The following TEX14 variants were observed in gnomAD, a reference collection of about 807,000 sequenced individuals.
TEX14 encodes the protein testis expressed 14, intercellular bridge forming factor.
A neutral mutation model predicts 178.6 loss-of-function variants in TEX14; 168 were observed. The ratio of observed to expected loss-of-function variants is 0.94; its 90% CI spans 0.83 to 1.07. TEX14 has a LOEUF of 1.07. Among genes scored for constraint, TEX14 ranks in the 50% least tolerant of loss-of-function variants. The pLI is 0.00. For missense variants in TEX14, 1,730 were observed against 1,753.6 expected, an observed-to-expected ratio of 0.99 and a Z score of 0.24; for synonymous variants, 626 against 634.1, an observed-to-expected ratio of 0.99 and a Z score of 0.19.
Position 58,621,680 on chromosome 17 carries a change from C to T in TEX14, c.524G>A (p.Ser175Asn). Reference protein sequence around the residue: ...KIDSPQRLVYSPSWCGGLVQG... With the variant: ...KIDSPQRLVYNPSWCGGLVQG... ...CACGAGGCCCCCACACCAGGACGGG[C>T]TGTAGACAAGCCGCTGCGGGGAGTC... Residue 175 changes from serine (S) to asparagine (N), a missense_variant, in exon 5 of 32, where the codon AGC becomes AAC. Transcript: ENST00000349033. The T allele has an allele frequency of 6.2e-7, 1 of 1,614,102 alleles. No homozygotes were observed.
chr17:58,607,633 C>T (rs376649158), intron 10 of TEX14, among the ~76,000 whole-genome samples: 23 of 152,324 alleles, frequency 1.5e-4, no homozygotes, highest in Non-Finnish European at 2.8e-4. Context: ...AGCTCCATTT[C>T]GGGCTAGGAT....
intron 10 of TEX14, 147 bp downstream of exon 10, chr17:58,611,014 G>T (rs1416095779): frequency 1.6e-6 from 1 of 626,994 alleles, no homozygotes; most frequent in East Asian, 2.6e-5. Flanking sequence ...GGCAGACAGG[G>T]TAAGGCATTT....
chr17:58,575,990 A>G (rs1355954687), intron 21 of TEX14, among the ~76,000 whole-genome samples: 1 of 152,194 alleles, frequency 6.6e-6, no homozygotes, highest in African/African-American at 2.4e-5. Flanking sequence ...TGTTATGTGG[A>G]TTAAATCAGA....
At chr17:58,574,518 A>G (rs956061472) in intron 21 of TEX14, among the ~76,000 whole-genome samples, 1 of 152,002 alleles carries the variant, frequency 6.6e-6, no homozygotes, top group African/African-American at 2.4e-5. Context: ...TCTACTAAAA[A>G]TACAAAAATT....
chr17:58,661,626 ATT>A (rs772161448), intron 1 of TEX14: 1 of 689,840 alleles, frequency 1.4e-6, no homozygotes, highest in East Asian at 2.5e-5. Context: ...CGAAATGTTG[ATT>A]CCTTTCCTTT....
intron 21 of TEX14, among the ~76,000 whole-genome samples, chr17:58,575,601 C>T (rs770079967): frequency 3.8e-4 from 58 of 152,262 alleles, no homozygotes; most frequent in Non-Finnish European, 6.0e-4. Flanking sequence ...CTTGTTTTAA[C>T]CAATAAAATA....
At position 58,615,266 on chromosome 17, in the gene TEX14, C is replaced by G. The variant is rs757916510; in HGVS notation, c.847G>C (p.Ala283Pro). 7 of 1,613,506 alleles carry G rather than the reference C, an allele frequency of 4.3e-6. No individual in the cohort carries two copies. The highest frequency in any genetic ancestry group is 5.9e-6 in the Non-Finnish European group (7 of 1,179,658). ...THPHCSRLRL[A>P]DLLIAEQEHS... ...TCCTGCTCGGCAATTAACAAGTCGG[C>G]CAGCCGCAGCCTGCTGCAGTGTGGG... is the stretch of plus-strand genomic sequence containing the variant. The change falls in exon 8 of 32, where the codon GCC becomes CCC. Residue 283 changes from alanine (A) to proline (P), a missense_variant. Coordinates refer to ENST00000349033, the MANE Select transcript of TEX14 (RefSeq NM_031272.5).
At chr17:58,568,915 C>A (rs1296547892) in intron 26 of TEX14, among the ~76,000 whole-genome samples, 1 of 152,154 alleles carries the variant, frequency 6.6e-6, no homozygotes, top group African/African-American at 2.4e-5. Context: ...TCATAATAAA[C>A]CACTTGAATG....
rs60626361 is a variant in TEX14 at position 58,656,925 on chromosome 17, CAAAAAAAAAAAA to C, written c.-1-4935_-1-4924del. ...GTGACTGAGCAAAACTCCCATCTCA[CAAAAAAAAAAAA>C]AAAAAAAAAAAAGAAAAAGAAAATT... On this transcript the variant is annotated intron_variant, in intron 1 of 31. Transcript: ENST00000349033. Among the ~76,000 whole-genome samples the C allele has an allele frequency of 8.6e-3, 681 of 79,554 alleles. 2 individuals carry two copies. Among genetic ancestry groups the C allele is most frequent in the Non-Finnish European group, 9.4e-3 (436 of 46,314 alleles). The allele number at this position is 79,554 out of a possible 152,430, so 52.2% of individuals were successfully genotyped here.
intron 2 of TEX14, among the ~76,000 whole-genome samples, chr17:58,637,297 C>T (rs555284716): frequency 6.6e-6 from 1 of 152,288 alleles, no homozygotes; most frequent in Admixed American, 6.5e-5. Context: ...TGACGTAGAG[C>T]TTCTAAAACT....
At chr17:58,624,341 C>CTTTTTTT (rs34422419) in intron 3 of TEX14, among the ~76,000 whole-genome samples, 2 of 128,622 alleles carry the variant, frequency 1.6e-5, no homozygotes, top group Admixed American at 8.2e-5. Flanking sequence ...CTTTTCTTTT[C>CTTTTTTT]TTTTTTTTTT....
intron 21 of TEX14, among the ~76,000 whole-genome samples, chr17:58,575,165 A>G (rs2044646797): frequency 7.2e-6 from 1 of 138,696 alleles, no homozygotes; most frequent in African/African-American, 2.8e-5. Context: ...CCCAGGCTGG[A>G]GTGCAATGGC....
intron 28 of TEX14, among the ~76,000 whole-genome samples, chr17:58,563,621 TTA>T (rs3034889): frequency 0.049 from 2,240 of 46,178 alleles, 37 homozygotes; most frequent in Non-Finnish European, 0.059. Context: ...CATCTCTAAT[TTA>T]TATATATATA....
chr17:58,682,463 G>T (rs1313789200), intron 1 of TEX14, among the ~76,000 whole-genome samples: 3 of 151,684 alleles, frequency 2.0e-5, no homozygotes, highest in African/African-American at 7.3e-5. Context: ...TTGCCATGTT[G>T]GCGAGGCTGG....
At position 58,601,906 on chromosome 17, in the gene TEX14, C is replaced by T; in HGVS notation, c.1578G>A (p.Gln526=). ...TGACATCGGGATGGAGTCCGTATCT[C>T]TGCACTCTGGGGCTCTCGGTTGGTT... ...RTQPTESPRV[Q]RYGLHPDVNV... is the part of the protein sequence containing the mutation. The change falls in exon 13 of 32, where the codon CAG becomes CAA. Residue 526 remains glutamine (Q), a synonymous_variant. Transcript: ENST00000349033. 1 of 1,613,418 alleles carries T rather than the reference C, an allele frequency of 6.2e-7. No individual in the cohort carries two copies. The highest frequency in any genetic ancestry group is 8.5e-7 in the Non-Finnish European group (1 of 1,180,018).
intron 3 of TEX14, among the ~76,000 whole-genome samples, chr17:58,626,764 G>A (rs1156242920): frequency 2.0e-5 from 3 of 151,872 alleles, no homozygotes; most frequent in South Asian, 2.1e-4. Flanking sequence ...CCAGGTACTC[G>A]GGAGGGTGAG....
At chr17:58,688,132 GTTTTT>G (rs2047632243) in intron 1 of TEX14, among the ~76,000 whole-genome samples, 2 of 151,936 alleles carry the variant, frequency 1.3e-5, no homozygotes, top group African/African-American at 4.8e-5. Flanking sequence ...GTTTTGTTTT[GTTTTT>G]GAGACTGAGT....
intron 27 of TEX14, 132 bp downstream of exon 27, chr17:58,565,615 A>C (rs1461250282): frequency 1.6e-6 from 1 of 619,392 alleles, no homozygotes; most frequent in African/African-American, 1.8e-5. Flanking sequence ...CTTGCCATAC[A>C]AATAACTATA....
chr17:58,622,263 T>C (rs2046015864), intron 4 of TEX14, among the ~76,000 whole-genome samples: 1 of 152,128 alleles, frequency 6.6e-6, no homozygotes, highest in Non-Finnish European at 1.5e-5. Context: ...CTGGCCAACA[T>C]GGAGAAACCC....
Sources: allele counts gnomAD v4.1 joint callset (sites outside exome capture counted in the v4.1 genomes callset), GRCh38; gene constraint gnomAD v4.1.1; transcripts MANE v1.5; gene names NCBI Gene and HGNC (gene_info 2026-07-23, HGNC 2026-07-21).